Variants in DDHD2 observed in about 807,000 individuals in gnomAD.
DDHD2 encodes triacylglycerol hydrolase DDHD2.
A neutral mutation model predicts 91.2 loss-of-function variants in DDHD2; 62 were observed. That is an observed-to-expected ratio of 0.68 (90% CI 0.55 to 0.84). The LOEUF (loss-of-function observed/expected upper bound fraction) is 0.84. Among genes scored for constraint, DDHD2 ranks in the 40% least tolerant of loss-of-function variants. DDHD2 has a pLI of 0.00. For missense variants in DDHD2, 740 were observed against 846.9 expected (o/e 0.87, Z 1.57); for synonymous variants, 271 against 293.9 (o/e 0.92, Z 0.80).
At chr8:38,241,009 T>G (rs1268075128) in intron 6 of DDHD2, among the ~76,000 whole-genome samples, 1 of 148,764 alleles carries the variant, frequency 6.7e-6, no homozygotes, top group East Asian at 2.0e-4. Context: ...GGGCAGAGGT[T>G]GCAGTGAGCC....
At chr8:38,272,834 G>A (rs1808515637), downstream of DDHD2, 1 of 152,180 alleles carries the variant, frequency 6.6e-6, no homozygotes, top group Non-Finnish European at 1.5e-5. Flanking sequence ...GTGTATCACA[G>A]GCACAGTGCA....
chr8:38,246,148 T>C, intron 8 of DDHD2, 85 bp from the exon 9 acceptor site: 1 of 1,137,772 alleles, frequency 8.8e-7, no homozygotes, highest in Non-Finnish European at 1.3e-6. Context: ...CTTACATATG[T>C]AATTGGCTTA....
chr8:38,253,553 CA>C lies in DDHD2; in HGVS notation c.1892-2del. ...ATTCTTATTATGGTTCTTCCATATC[CA>C]GATGTTAACACAGAAGAGACCTCTG... On this transcript the variant is annotated splice_acceptor_variant, in intron 15 of 17. Transcript: ENST00000397166. LOFTEE classifies it high-confidence loss of function. 6.2e-7 allele frequency: 1 copy of C among 1,610,756 alleles called. No homozygotes were observed. The highest frequency in any genetic ancestry group is 1.1e-5 in the South Asian group (1 of 90,456).
rs756560473 is a variant in DDHD2 at position 38,233,110 on chromosome 8, C to A, written c.116C>A (p.Pro39Gln). 4.3e-5 allele frequency: 69 copies of A among 1,613,926 alleles called. No individual in the cohort carries two copies. Among genetic ancestry groups the A allele is most frequent in the Non-Finnish European group, 5.7e-5 (67 of 1,179,950 alleles). ...IDMDAGSLYE[P>Q]VSPHWFYCKI... is the part of the protein sequence containing the mutation. ...ATGGATGCTGGCAGCTTGTATGAACCAGTTTCTCCCCATTGGTTTTATTGT... is the reference window on the plus strand; with the variant it reads ...ATGGATGCTGGCAGCTTGTATGAACAAGTTTCTCCCCATTGGTTTTATTGT... Residue 39 changes from proline (P) to glutamine (Q), a missense_variant, in exon 2 of 18, where the codon CCA becomes CAA. Physicochemically the swap from Pro to Gln is moderately conservative, Grantham distance 76. Coordinates refer to ENST00000397166, the MANE Select transcript of DDHD2 (RefSeq NM_015214.3).
intron 6 of DDHD2, 133 bp from the exon 7 acceptor site, chr8:38,242,117 C>A: frequency 2.9e-6 from 2 of 686,734 alleles, no homozygotes; most frequent in Non-Finnish European, 4.6e-6. Context: ...TCCTGAATAC[C>A]ACTTTATTTT....
Position 38,260,783 on chromosome 8 carries a change from CTTCA to C in DDHD2, c.*212_*215del, listed in dbSNP as rs1191020908. 6.6e-6 allele frequency: 1 copy of C among 152,594 alleles called. No individual in the cohort carries two copies. Among genetic ancestry groups the C allele is most frequent in the Non-Finnish European group, 1.5e-5 (1 of 68,064 alleles). 9.5% of individuals were successfully genotyped at this position (152,594 alleles called of 1,614,324 possible). A position where few individuals can be genotyped will look rare whatever the true frequency, so the allele number is the denominator to read the frequency against. ...AGGCCCTATTACTTTTAACCACTGG[CTTCA>C]TATAAACACTTGCCATTTTTTTCTG... On this transcript the variant is annotated 3_prime_UTR_variant, in exon 18 of 18. Transcript: ENST00000397166.
At chr8:38,257,265 TTG>T (rs1363568946) in intron 16 of DDHD2, among the ~76,000 whole-genome samples, 1 of 145,708 alleles carries the variant, frequency 6.9e-6, no homozygotes, top group Non-Finnish European at 1.5e-5. Context: ...TTTTTTTTTT[TTG>T]AGAAGGAGTC....
At chr8:38,243,977 A>G (rs1402206871) in intron 7 of DDHD2, among the ~76,000 whole-genome samples, 1 of 149,790 alleles carries the variant, frequency 6.7e-6, no homozygotes, top group African/African-American at 2.5e-5. Context: ...CTAATTTTGT[A>G]TTTTTGGTAG....
Position 38,248,235 on chromosome 8 carries a change from G to A in DDHD2, c.1248+400G>A, listed in dbSNP as rs112831513. 4.4e-3 allele frequency among the ~76,000 whole-genome samples: 677 copies of A among 152,214 alleles called. 2 individuals are homozygous for A. The highest frequency in any genetic ancestry group is 0.014 in the African/African-American group (582 of 41,530). ...TAATTTTGATATTTTTAGTAGAGAT[G>A]GGGTTTCACTGTATTGGCCAAGCTG... is the stretch of plus-strand genomic sequence containing the variant. On this transcript the variant is annotated intron_variant, in intron 10 of 17. Coordinates refer to ENST00000397166, the MANE Select transcript of DDHD2 (RefSeq NM_015214.3).
chr8:38,255,159 C>T (rs1235121686), intron 16 of DDHD2, among the ~76,000 whole-genome samples: 1 of 136,784 alleles, frequency 7.3e-6, no homozygotes, highest in Non-Finnish European at 1.5e-5. Context: ...ACGGCCACCG[C>T]AGTCCAGCCT....
intron 7 of DDHD2, 35 bp downstream of exon 7, chr8:38,242,420 G>A: frequency 6.3e-7 from 1 of 1,595,016 alleles, no homozygotes; most frequent in South Asian, 1.2e-5. Flanking sequence ...GTTGTTAGCT[G>A]TGATTATATT....
At chr8:38,232,000 C>G (rs1804295854) in intron 1 of DDHD2, 141 bp downstream of exon 1, 1 of 152,656 alleles carries the variant, frequency 6.6e-6, no homozygotes, top group South Asian at 2.1e-4. Context: ...ACCCTGGGCA[C>G]CCTGTGAACC....
downstream of DDHD2, chr8:38,264,411 G>A (rs746926357): frequency 7.6e-5 from 114 of 1,509,190 alleles, no homozygotes; most frequent in Non-Finnish European, 9.5e-5. Flanking sequence ...GGGATTACAG[G>A]CATGAGCCAC....
intron 16 of DDHD2, 33 bp downstream of exon 16, chr8:38,253,751 G>T (rs1251827695): frequency 1.3e-6 from 2 of 1,598,446 alleles, no homozygotes; most frequent in African/African-American, 2.7e-5. Flanking sequence ...TGTTTTGTTT[G>T]TTTACCTGTT....
intron 3 of DDHD2, among the ~76,000 whole-genome samples, chr8:38,236,137 C>G (rs1279531533): frequency 2.6e-5 from 4 of 151,446 alleles, no homozygotes; most frequent in Non-Finnish European, 5.9e-5. Flanking sequence ...CTCAGCCTCC[C>G]AAGTAGCTGG....
intron 3 of DDHD2, among the ~76,000 whole-genome samples, chr8:38,235,770 AG>A (rs1804674986): frequency 6.6e-6 from 1 of 150,830 alleles, no homozygotes. Context: ...CTGTAATCCC[AG>A]CACATTGTGA....
At chr8:38,267,612 G>A, downstream of DDHD2, 1 of 636,676 alleles carries the variant, frequency 1.6e-6, no homozygotes, top group Non-Finnish European at 2.7e-6. Flanking sequence ...TTACTTTTTA[G>A]GGCAAACAGC....
Position 38,253,635 on chromosome 8 carries a change from A to G in DDHD2, c.1971A>G (p.Gln657=), listed in dbSNP as rs1256913238. 1 of 1,614,040 alleles carries G rather than the reference A, an allele frequency of 6.2e-7. No individual in the cohort carries two copies. The highest frequency in any genetic ancestry group is 8.5e-7 in the Non-Finnish European group (1 of 1,179,844). Reference sequence around the variant, plus strand: ...ATGTGGGGATGCTGAATGGAGGCCAACGCATTGACTATGTGCTACAGGAGA... The same window carrying G: ...ATGTGGGGATGCTGAATGGAGGCCAGCGCATTGACTATGTGCTACAGGAGA... ...PINVGMLNGG[Q]RIDYVLQEKP... is the part of the protein sequence containing the mutation. Residue 657 remains glutamine (Q), a synonymous_variant, in exon 16 of 18, where the codon CAA becomes CAG. Coordinates refer to ENST00000397166, the MANE Select transcript of DDHD2 (RefSeq NM_015214.3).
chr8:38,264,463 GA>G, downstream of DDHD2: 1 of 1,548,968 alleles, frequency 6.5e-7, no homozygotes, highest in Non-Finnish European at 8.7e-7. Flanking sequence ...AAAACAATAA[GA>G]ATCCCCAGGC....
Sources: gnomAD v4.1 joint callset for allele counts (sites outside exome capture counted in the v4.1 genomes callset) on GRCh38, gnomAD v4.1.1 for gene constraint, MANE v1.5 for transcripts, NCBI Gene and HGNC (gene_info 2026-07-23, HGNC 2026-07-21) for gene names.